The following CHST12 variants were observed in gnomAD, a reference collection of about 807,000 sequenced individuals.
CHST12 encodes the protein carbohydrate sulfotransferase 12, also known as carbohydrate (chondroitin 4) sulfotransferase 12.
Under a neutral mutation model 27.9 loss-of-function variants are expected in CHST12, and 23 were observed. The observed-to-expected ratio is 0.82, with a 90% CI of 0.59 to 1.17. The LOEUF (loss-of-function observed/expected upper bound fraction) is 1.17, where lower values mean the gene tolerates loss of function less well. Ranked by LOEUF, CHST12 falls within the 50% of genes most tolerant of loss-of-function variation. The probability of loss-of-function intolerance (pLI) is 0.00; values close to 1 mark genes in which losing one functional copy is unlikely to be tolerated. For synonymous variants in CHST12, 322 were observed against 273.0 expected (o/e 1.18, Z -1.77); for missense variants, 682 against 603.0 (o/e 1.13, Z -1.37).
Position 2,433,269 on chromosome 7 carries a change from C to T in CHST12, c.630C>T (p.Ala210=), listed in dbSNP as rs1282200497. The T allele has an allele frequency of 1.2e-6, 2 of 1,611,600 alleles. No individual in the cohort carries two copies. Among genetic ancestry groups the T allele is most frequent in the Non-Finnish European group, 1.7e-6 (2 of 1,178,668 alleles). Residue 210 remains alanine, a synonymous_variant, in exon 2 of 2, where the codon GCC becomes GCT. Transcript: ENST00000618655. The surrounding 1 kb of genome is among the most constrained non-coding windows in gnomAD (Gnocchi z 6.1). ...LRIPREHVHN[A]SAHLTFNKFW... ...TCCCGCGCGAGCACGTGCACAACGC[C>T]AGCGCGCACCTGACCTTCAACAAGT...
In CHST12 at chr7:2,441,113, C is replaced by G. The variant is rs1782593645; in HGVS notation, c.*7229C>G. 1 of 152,438 alleles carries G rather than the reference C, an allele frequency of 6.6e-6. No homozygotes were observed. The highest frequency in any genetic ancestry group is 1.5e-5 in the Non-Finnish European group (1 of 68,276). 9.4% of individuals were successfully genotyped at this position (152,438 alleles called of 1,614,324 possible). On this transcript the variant is annotated 3_prime_UTR_variant, in exon 2 of 2. Transcript: ENST00000618655. The stretch of plus-strand genomic sequence containing the variant: ...GGTCAGCAGGGGCGGCTGGGCTTGA[C>G]TCGAGAATTCCCACAGGGCCCGAGG...
chr7:2,433,481 A>G lies in CHST12; in HGVS notation c.842A>G (p.His281Arg), dbSNP rs750488434. 3 of 1,611,380 alleles carry G rather than the reference A, an allele frequency of 1.9e-6. No individual in the cohort carries two copies. The highest frequency in any genetic ancestry group is 2.5e-6 in the Non-Finnish European group (3 of 1,179,870). Residue 281 changes from histidine (H) to arginine (R), a missense_variant, in exon 2 of 2, where the codon CAC (histidine) becomes CGC (arginine). Coordinates refer to ENST00000618655, the MANE Select transcript of CHST12 (RefSeq NM_018641.5). The surrounding 1 kb of genome is among the most constrained non-coding windows in gnomAD (Gnocchi z 6.1). ...CCCATGCTGCGGCTGTACGCCAACC[A>G]CACCAGCCTGCCCGCCTCGGCGCGC... is the stretch of plus-strand genomic sequence containing the variant. ...AVPMLRLYANHTSLPASAREA... is the reference protein window; with the variant it reads ...AVPMLRLYANRTSLPASAREA...
intron 1 of CHST12, among the ~76,000 whole-genome samples, chr7:2,422,335 C>T (rs984533836): frequency 4.3e-4 from 65 of 152,006 alleles, no homozygotes; most frequent in African/African-American, 1.5e-3. Flanking sequence ...ACCTCCGCCT[C>T]CCAGGTTCAA....
At chr7:2,415,906 G>T (rs879794476) in intron 1 of CHST12, among the ~76,000 whole-genome samples, 1 of 152,104 alleles carries the variant, frequency 6.6e-6, no homozygotes, top group Non-Finnish European at 1.5e-5. Context: ...GAGCCACCGC[G>T]CCTGGCTGGC....
In CHST12 at chr7:2,447,026, C is replaced by T. The variant is rs1443695163; in HGVS notation, c.*13142C>T. On this transcript the variant is annotated 3_prime_UTR_variant, in exon 2 of 2. Coordinates refer to ENST00000618655, the MANE Select transcript of CHST12 (RefSeq NM_018641.5). Reference sequence around the variant, plus strand: ...TCTGGCCCATGGGGAGCCCCTGGGTCCCAGCGATCCAGCCCTGATGTGCTG... The same window carrying T: ...TCTGGCCCATGGGGAGCCCCTGGGTTCCAGCGATCCAGCCCTGATGTGCTG... 6.6e-6 allele frequency: 1 copy of T among 152,242 alleles called. No homozygotes were observed. The highest frequency in any genetic ancestry group is 1.5e-5 in the Non-Finnish European group (1 of 68,076). The allele number at this position is 152,242 out of a possible 1,614,324, so 9.4% of individuals were successfully genotyped here.
At position 2,444,773 on chromosome 7, in the gene CHST12, C is replaced by G. The variant is rs1310943129; in HGVS notation, c.*10889C>G. On this transcript the variant is annotated 3_prime_UTR_variant, in exon 2 of 2. Coordinates refer to ENST00000618655, the MANE Select transcript of CHST12 (RefSeq NM_018641.5). ...TACAAGGCAAAAATCCCCTACTCCC[C>G]CTGGGCTCCTTCACAGTTTGTGTGT... 1 of 152,242 alleles carries G rather than the reference C, an allele frequency of 6.6e-6. No homozygotes were observed. Among genetic ancestry groups the G allele is most frequent in the Admixed American group, 6.5e-5 (1 of 15,272 alleles). The allele number at this position is 152,242 out of a possible 1,614,324, so 9.4% of individuals were successfully genotyped here.
intron 1 of CHST12, among the ~76,000 whole-genome samples, chr7:2,407,507 G>A (rs1457115047): frequency 6.6e-6 from 1 of 152,118 alleles, no homozygotes; most frequent in East Asian, 1.9e-4. Context: ...AGGGAAAACA[G>A]GATGAAATTC....
Position 2,434,112 on chromosome 7 carries a change from A to ACCCGCCCG in CHST12, c.*234_*241dup, listed in dbSNP as rs890346387. On this transcript the variant is annotated 3_prime_UTR_variant, in exon 2 of 2. Coordinates refer to ENST00000618655, the MANE Select transcript of CHST12 (RefSeq NM_018641.5). ...TATCCCCTCTCCCCTCCGCCCGCCCACCCGCCCGCCCGCTCGCCCGCTCGC... is the reference window on the plus strand; with the variant it reads ...TATCCCCTCTCCCCTCCGCCCGCCCACCCGCCCGCCCGCCCGCCCGCTCGCCCGCTCGC... The ACCCGCCCG allele has an allele frequency of 0.02, 6,836 of 346,792 alleles. 118 individuals are homozygous for ACCCGCCCG. The highest frequency in any genetic ancestry group is 0.051 in the Middle Eastern group (63 of 1,236). 21.5% of individuals were successfully genotyped at this position (346,792 alleles called of 1,614,324 possible). A position where few individuals can be genotyped will look rare whatever the true frequency, so the allele number is the denominator to read the frequency against.
chr7:2,440,374 C>G lies in CHST12; in HGVS notation c.*6490C>G, dbSNP rs1356307538. ...GCGAGTGCATGTGCAAGTGTGCGTG[C>G]AAGTGTGAGTCTGCACTTGTGTGCA... On this transcript the variant is annotated 3_prime_UTR_variant, in exon 2 of 2. Transcript: ENST00000618655. The G allele has an allele frequency of 6.5e-6, 1 of 153,950 alleles. No individual in the cohort carries two copies. The highest frequency in any genetic ancestry group is 2.4e-5 in the African/African-American group (1 of 41,274). The allele number at this position is 153,950 out of a possible 1,614,324, so 9.5% of individuals were successfully genotyped here.
rs1290226309 is a variant in CHST12, at chr7:2,444,224, C to G, written c.*10340C>G. ...GCGTGAACCCGGGAGGCGGAGCTTGCAGTGAGCCGAGATCCCGCCACTGCA... is the reference window on the plus strand; with the variant it reads ...GCGTGAACCCGGGAGGCGGAGCTTGGAGTGAGCCGAGATCCCGCCACTGCA... On this transcript the variant is annotated 3_prime_UTR_variant, in exon 2 of 2. Coordinates refer to ENST00000618655, the MANE Select transcript of CHST12 (RefSeq NM_018641.5). 1.4e-5 allele frequency: 2 copies of G among 138,500 alleles called. No individual in the cohort carries two copies. The highest frequency in any genetic ancestry group is 2.3e-4 in the South Asian group (1 of 4,398). 8.6% of individuals were successfully genotyped at this position (138,500 alleles called of 1,614,324 possible). A position where few individuals can be genotyped will look rare whatever the true frequency, so the allele number is the denominator to read the frequency against.
chr7:2,414,296 TC>T (rs1335816569), intron 1 of CHST12, among the ~76,000 whole-genome samples: 1 of 152,038 alleles, frequency 6.6e-6, no homozygotes, highest in African/African-American at 2.4e-5. Flanking sequence ...TCTTTTTTTT[TC>T]TCTGAGACAG....
At chr7:2,415,015 A>G (rs1354600768) in intron 1 of CHST12, among the ~76,000 whole-genome samples, 1 of 152,194 alleles carries the variant, frequency 6.6e-6, no homozygotes, top group African/African-American at 2.4e-5. Context: ...CACCACAATC[A>G]AGTGAATATC....
intron 1 of CHST12, among the ~76,000 whole-genome samples, chr7:2,427,686 A>G (rs1782162119): frequency 6.6e-6 from 1 of 151,908 alleles, no homozygotes; most frequent in African/African-American, 2.4e-5. Flanking sequence ...TTTATAATGA[A>G]TGGATATGGG....
rs921593549 is a variant in CHST12 at position 2,445,223 on chromosome 7, A to C, written c.*11339A>C. 6.6e-6 allele frequency: 1 copy of C among 152,176 alleles called. No homozygotes were observed. Among genetic ancestry groups the C allele is most frequent in the Non-Finnish European group, 1.5e-5 (1 of 68,058 alleles). The allele number at this position is 152,176 out of a possible 1,614,324, so 9.4% of individuals were successfully genotyped here. A position where few individuals can be genotyped will look rare whatever the true frequency, so the allele number is the denominator to read the frequency against. ...GGGGGCCAGGCAGGGCGTCCTGGTG[A>C]GTGGACGTAGGGTGGGCAGGGCCAC... On this transcript the variant is annotated 3_prime_UTR_variant, in exon 2 of 2. Transcript: ENST00000618655.
At chr7:2,426,760 G>A (rs542252316) in intron 1 of CHST12, among the ~76,000 whole-genome samples, 105 of 152,224 alleles carry the variant, frequency 6.9e-4, no homozygotes, top group Non-Finnish European at 1.1e-3. Flanking sequence ...GGAGGCCGAG[G>A]AAGGTGGATC....
chr7:2,416,431 A>T (rs4721697), intron 1 of CHST12, among the ~76,000 whole-genome samples: 31,100 of 152,128 alleles, frequency 0.2, 3,339 homozygotes, highest in African/African-American at 0.29. Context: ...AGGCATTAGA[A>T]TGGTGAATCC....
chr7:2,425,634 A>AG (rs1782096321), intron 1 of CHST12, among the ~76,000 whole-genome samples: 1 of 151,160 alleles, frequency 6.6e-6, no homozygotes. Flanking sequence ...GGACAGGTGC[A>AG]GGGGGCCCAC....
rs895034427 is a variant in CHST12, at chr7:2,440,254, T to C, written c.*6370T>C. 6.5e-6 allele frequency: 1 copy of C among 154,366 alleles called. No individual in the cohort carries two copies. Among genetic ancestry groups the C allele is most frequent in the African/African-American group, 2.4e-5 (1 of 41,532 alleles). The allele number at this position is 154,366 out of a possible 1,614,324, so 9.6% of individuals were successfully genotyped here. ...ATCTGTTGGTTGACTTTGACAGTGA[T>C]AAACGAACACAGCCTATCTGGGTGT... On this transcript the variant is annotated 3_prime_UTR_variant, in exon 2 of 2. Coordinates refer to ENST00000618655, the MANE Select transcript of CHST12 (RefSeq NM_018641.5).
Position 2,435,811 on chromosome 7 carries a change from T to G in CHST12, c.*1927T>G, listed in dbSNP as rs1419611839. The G allele has an allele frequency of 6.6e-6, 1 of 152,394 alleles. No homozygotes were observed. The highest frequency in any genetic ancestry group is 1.5e-5 in the Non-Finnish European group (1 of 68,200). The allele number at this position is 152,394 out of a possible 1,614,324, so 9.4% of individuals were successfully genotyped here. On this transcript the variant is annotated 3_prime_UTR_variant, in exon 2 of 2. Transcript: ENST00000618655. The stretch of plus-strand genomic sequence containing the variant: ...CTTTCTGAAGCTTCGCTTTCTTTTA[T>G]TTTTGTTTTGTTTTGTTTTTGGAGA...
Sources: gnomAD v4.1 joint callset for allele counts (sites outside exome capture counted in the v4.1 genomes callset) on GRCh38, gnomAD v4.1.1 for gene constraint, Gnocchi (gnomAD v3.1) non-coding constraint, MANE v1.5 for transcripts, NCBI Gene and HGNC (gene_info 2026-07-23, HGNC 2026-07-21) for gene names.